The following TP53BP1 variants were observed in gnomAD, a reference collection of about 807,000 sequenced individuals.
TP53BP1 encodes the protein tumor protein p53 binding protein 1.
A neutral mutation model predicts 200.8 loss-of-function variants in TP53BP1; 61 were observed. That is an observed-to-expected ratio of 0.30 (90% CI 0.25 to 0.38). TP53BP1 has a LOEUF of 0.38. TP53BP1 is among the 10% of genes least tolerant of loss of function. The pLI, the probability that TP53BP1 is intolerant of heterozygous loss-of-function variation, is 1.00. For synonymous variants in TP53BP1, 822 were observed against 844.3 expected, an observed-to-expected ratio of 0.97 and a Z score of 0.46; for missense variants, 2,144 against 2,371.9, an observed-to-expected ratio of 0.90 and a Z score of 2.00.
intron 5 of TP53BP1, 127 bp downstream of exon 5, chr15:43,480,760 GCAAATTTC>G (rs1309121966): frequency 9.9e-7 from 1 of 1,015,052 alleles, no homozygotes; most frequent in African/African-American, 1.6e-5. Flanking sequence ...TAAATTACTA[GCAAATTTC>G]TTAATGACTC....
chr15:43,412,722 G>T (rs1406248040), intron 24 of TP53BP1: 3 of 471,902 alleles, frequency 6.4e-6, no homozygotes, highest in Non-Finnish European at 1.3e-5. Flanking sequence ...AAATGGGGAA[G>T]ATGGCAGGGC....
chr15:43,423,225 T>C (rs571553663), intron 18 of TP53BP1, among the ~76,000 whole-genome samples: 27 of 150,800 alleles, frequency 1.8e-4, no homozygotes, highest in Admixed American at 7.9e-4. Flanking sequence ...ATGTTCGCTA[T>C]GGGCACAGCA....
At chr15:43,479,733 C>T (rs1327989034) in intron 6 of TP53BP1, 126 bp downstream of exon 6, 1 of 1,304,366 alleles carries the variant, frequency 7.7e-7, no homozygotes, top group African/African-American at 1.5e-5. Context: ...GAAAACTCTT[C>T]AACCTTACTA....
intron 4 of TP53BP1, among the ~76,000 whole-genome samples, chr15:43,489,143 T>A (rs763356090): frequency 2.0e-5 from 3 of 152,252 alleles, no homozygotes; most frequent in Admixed American, 6.5e-5. Context: ...ACGTTATATA[T>A]ATTTTTTCTC....
intron 23 of TP53BP1, chr15:43,414,219 CTT>C: frequency 2.4e-6 from 1 of 419,070 alleles, no homozygotes; most frequent in Non-Finnish European, 4.9e-6. Context: ...TGAATCCTGG[CTT>C]ACTTTGTCAT....
intron 11 of TP53BP1, among the ~76,000 whole-genome samples, chr15:43,465,770 G>A (rs1311390194): frequency 6.6e-6 from 1 of 151,832 alleles, no homozygotes; most frequent in African/African-American, 2.4e-5. Context: ...TAAAAGTCAA[G>A]ATCAGACTGC....
At chr15:43,452,792 C>T (rs980507752) in intron 12 of TP53BP1, among the ~76,000 whole-genome samples, 4 of 151,828 alleles carry the variant, frequency 2.6e-5, no homozygotes, top group Non-Finnish European at 5.9e-5. Flanking sequence ...TTTACTACGG[C>T]AAAAAAAGCT....
At chr15:43,500,540 C>T (rs1445396745) in intron 1 of TP53BP1, among the ~76,000 whole-genome samples, 1 of 152,048 alleles carries the variant, frequency 6.6e-6, no homozygotes, top group African/African-American at 2.4e-5. Context: ...ATATTTTAGG[C>T]CAGGCTTGGT....
intron 11 of TP53BP1, among the ~76,000 whole-genome samples, chr15:43,459,973 T>G (rs755073084): frequency 7.2e-5 from 11 of 152,120 alleles, no homozygotes; most frequent in Non-Finnish European, 1.6e-4. Context: ...AGCAGGGAGA[T>G]CAACCACAAA....
intron 11 of TP53BP1, 58 bp from the exon 12 acceptor site, chr15:43,457,276 A>G: frequency 7.1e-7 from 1 of 1,400,706 alleles, no homozygotes; most frequent in Non-Finnish European, 9.5e-7. Context: ...TATCTTTTAT[A>G]TCGAATCCTT....
chr15:43,492,257 ATCT>A, intron 2 of TP53BP1, 24 bp downstream of exon 2: 2 of 1,594,960 alleles, frequency 1.3e-6, no homozygotes, highest in Non-Finnish European at 1.7e-6. Context: ...AATCTGCTCA[ATCT>A]TCTTCAAACA....
chr15:43,458,853 C>T (rs561921861), intron 11 of TP53BP1, among the ~76,000 whole-genome samples: 13 of 152,176 alleles, frequency 8.5e-5, no homozygotes, highest in East Asian at 5.8e-4. Flanking sequence ...CTGCAACTCT[C>T]GTACATTGCT....
At position 43,404,162 on chromosome 15, in the gene TP53BP1, C is replaced by A. The variant is rs1265628644; in HGVS notation, c.*3221G>T. On this transcript the variant is annotated 3_prime_UTR_variant, in exon 28 of 28. Transcript: ENST00000382044. ...GGTTCTCCCCAACCCCAGTACTTGACAAAATACATTAACTGGAAACCAGCT... is the reference window on the plus strand; with the variant it reads ...GGTTCTCCCCAACCCCAGTACTTGAAAAAATACATTAACTGGAAACCAGCT... 3.7e-6 allele frequency: 2 copies of A among 540,662 alleles called. No individual in the cohort carries two copies. Among genetic ancestry groups the A allele is most frequent in the African/African-American group, 1.9e-5 (1 of 52,992 alleles). The allele number at this position is 540,662 out of a possible 1,614,324, so 33.5% of individuals were successfully genotyped here.
At chr15:43,440,207 C>T (rs2045891948) in intron 15 of TP53BP1, among the ~76,000 whole-genome samples, 1 of 152,172 alleles carries the variant, frequency 6.6e-6, no homozygotes, top group Non-Finnish European at 1.5e-5. Flanking sequence ...CAACTACTGG[C>T]TGGAGTTGAG....
chr15:43,437,715 T>G (rs961975093), intron 16 of TP53BP1, among the ~76,000 whole-genome samples: 2 of 152,176 alleles, frequency 1.3e-5, no homozygotes, highest in Non-Finnish European at 2.9e-5. Context: ...TTAACAAAAT[T>G]TCTCATGACA....
chr15:43,487,008 G>A (rs891839931), intron 4 of TP53BP1, among the ~76,000 whole-genome samples: 6 of 151,960 alleles, frequency 3.9e-5, no homozygotes, highest in Non-Finnish European at 8.8e-5. Flanking sequence ...AAATTGCTCC[G>A]TGAAAAACCC....
intron 11 of TP53BP1, among the ~76,000 whole-genome samples, chr15:43,458,349 T>C (rs2143011161): frequency 6.6e-6 from 1 of 151,840 alleles, no homozygotes; most frequent in East Asian, 1.9e-4. Context: ...GGAGAATCAC[T>C]TGAACCCAGG....
chr15:43,474,123 C>A (rs1464548736), intron 10 of TP53BP1, among the ~76,000 whole-genome samples: 1 of 152,220 alleles, frequency 6.6e-6, no homozygotes, highest in Non-Finnish European at 1.5e-5. Flanking sequence ...GGCCCGGGTG[C>A]TAAGCCCCTC....
chr15:43,497,712 C>G (rs893521118), upstream of TP53BP1, among the ~76,000 whole-genome samples: 7 of 152,122 alleles, frequency 4.6e-5, no homozygotes, highest in African/African-American at 1.4e-4. Context: ...TGGTGGCTGC[C>G]AGGAGCTAGG....
Sources: gnomAD v4.1 joint callset for allele counts (sites outside exome capture counted in the v4.1 genomes callset) on GRCh38, gnomAD v4.1.1 for gene constraint, MANE v1.5 for transcripts, NCBI Gene and HGNC (gene_info 2026-07-23, HGNC 2026-07-21) for gene names.